The following ESRRB variants were observed in gnomAD, a reference collection of about 807,000 sequenced individuals.
ESRRB encodes the protein estrogen related receptor beta, also known as steroid hormone receptor ERR2.
A neutral mutation model predicts 46.0 loss-of-function variants in ESRRB; 16 were observed. The ratio of observed to expected loss-of-function variants is 0.35; its 90% CI spans 0.24 to 0.53. The LOEUF (loss-of-function observed/expected upper bound fraction) is 0.53, where lower values mean the gene tolerates loss of function less well. Among genes scored for constraint, ESRRB ranks in the 20% least tolerant of loss-of-function variants. ESRRB has a pLI of 0.93. For missense variants in ESRRB, 488 were observed against 607.4 expected (o/e 0.80, Z 2.07); for synonymous variants, 246 against 259.6 (o/e 0.95, Z 0.50).
rs375209881 is a variant in ESRRB, at chr14:76,452,243, G to A, written c.461-10302G>A. Among the ~76,000 whole-genome samples the A allele has an allele frequency of 7.6e-4, 115 of 152,144 alleles. 3 individuals carry two copies. The South Asian group carries it at 0.023, about 31-fold the overall frequency. Reference sequence around the variant, plus strand: ...GTGTGAGCCATTACATCCGGCCACAGGAAGCAATTTTAACAGTGCAGTTAG... The same window carrying A: ...GTGTGAGCCATTACATCCGGCCACAAGAAGCAATTTTAACAGTGCAGTTAG... On this transcript the variant is annotated intron_variant, in intron 2 of 6. Transcript: ENST00000644823.
chr14:76,498,891 GT>G lies in ESRRB; in HGVS notation c.*437del. Reference sequence around the variant, plus strand: ...TGCTCAGGCTGGATACCACCTGGAGGTTTTCCTTCCGCAGAGGGCAGGTACG... The same window carrying G: ...TGCTCAGGCTGGATACCACCTGGAGGTTTCCTTCCGCAGAGGGCAGGTACG... On this transcript the variant is annotated 3_prime_UTR_variant, in exon 7 of 7. Coordinates refer to ENST00000644823, the MANE Select transcript of ESRRB (RefSeq NM_001379180.1). The G allele has an allele frequency of 1.9e-6, 1 of 535,638 alleles. No individual in the cohort carries two copies. Among genetic ancestry groups the G allele is most frequent in the South Asian group, 1.4e-5 (1 of 71,320 alleles). 33.2% of individuals were successfully genotyped at this position (535,638 alleles called of 1,614,324 possible).
chr14:76,490,843 A>G (rs1448960773), intron 5 of ESRRB, among the ~76,000 whole-genome samples: 1 of 152,188 alleles, frequency 6.6e-6, no homozygotes, highest in Non-Finnish European at 1.5e-5. Context: ...CCTGTGAGAA[A>G]GTGCCCCTGA....
intron 1 of ESRRB, among the ~76,000 whole-genome samples, chr14:76,354,722 T>TTC (rs1414951455): frequency 2.2e-5 from 3 of 139,198 alleles, no homozygotes; most frequent in African/African-American, 7.6e-5. Context: ...TTTTTTTTTT[T>TTC]TCTTTGAAAT....
intron 3 of ESRRB, among the ~76,000 whole-genome samples, chr14:76,474,063 C>T (rs1436179031): frequency 6.6e-6 from 1 of 152,186 alleles, no homozygotes; most frequent in Non-Finnish European, 1.5e-5. Flanking sequence ...ACAAAGGCAG[C>T]CATCAGACCC....
At chr14:76,358,029 A>G (rs2139767682) in intron 1 of ESRRB, among the ~76,000 whole-genome samples, 1 of 152,258 alleles carries the variant, frequency 6.6e-6, no homozygotes, top group Non-Finnish European at 1.5e-5. Flanking sequence ...AAAAAATTGC[A>G]GGCTGGGCAC....
intron 2 of ESRRB, among the ~76,000 whole-genome samples, chr14:76,458,561 G>C (rs1888718850): frequency 6.6e-6 from 1 of 152,276 alleles, no homozygotes; most frequent in Non-Finnish European, 1.5e-5. Context: ...TGTCCTGGGA[G>C]AGCACCAGTT....
At chr14:76,433,961 CATT>C (rs1177719938) in intron 1 of ESRRB, among the ~76,000 whole-genome samples, 103 of 123,654 alleles carry the variant, frequency 8.3e-4, no homozygotes, top group African/African-American at 3.2e-3. Context: ...CCTGCCTTTA[CATT>C]TTTTTTTTTT....
intron 1 of ESRRB, among the ~76,000 whole-genome samples, chr14:76,353,897 G>A (rs1884343915): frequency 6.6e-6 from 1 of 152,178 alleles, no homozygotes; most frequent in South Asian, 2.1e-4. Context: ...AGGAAGCTGA[G>A]GCTGCAGTCA....
rs1295638659 is a variant in ESRRB at position 76,498,341 on chromosome 14, A to G, written c.1248A>G (p.Thr416=). 5 of 1,610,456 alleles carry G rather than the reference A, an allele frequency of 3.1e-6. No homozygotes were observed. The Admixed American group carries it at 6.7e-5, about 22-fold the overall frequency. ...GGAGGACGGGCAAGCTGCTGCTGAC[A>G]CTGCCGCTGCTGCGGCAGACGGCCG... ...EPWRTGKLLL[T]LPLLRQTAAK... is the part of the protein sequence containing the mutation. Residue 416 remains threonine (T), a synonymous_variant, in exon 7 of 7, where the codon ACA becomes ACG. Transcript: ENST00000644823.
At chr14:76,489,258 C>T (rs1157414001) in intron 5 of ESRRB, among the ~76,000 whole-genome samples, 2 of 152,054 alleles carry the variant, frequency 1.3e-5, no homozygotes, top group African/African-American at 4.8e-5. Flanking sequence ...CCAACACTCC[C>T]CCCAACACAC....
intron 3 of ESRRB, among the ~76,000 whole-genome samples, chr14:76,480,639 G>A (rs757774533): frequency 7.9e-5 from 12 of 152,146 alleles, no homozygotes; most frequent in Admixed American, 4.6e-4. Flanking sequence ...GCCTGTTCTG[G>A]AGAAAGGCCT....
intron 1 of ESRRB, among the ~76,000 whole-genome samples, chr14:76,338,987 C>G (rs1256108730): frequency 6.6e-6 from 1 of 152,120 alleles, no homozygotes; most frequent in Non-Finnish European, 1.5e-5. Context: ...TCAAAGGGAC[C>G]ATGGATAATA....
intron 3 of ESRRB, among the ~76,000 whole-genome samples, chr14:76,470,626 T>C (rs146545653): frequency 1.3e-5 from 2 of 152,312 alleles, no homozygotes; most frequent in East Asian, 3.9e-4. Flanking sequence ...ACGTTGTTGG[T>C]ATGGAAAAAG....
chr14:76,481,002 A>G (rs1889783686), intron 3 of ESRRB, among the ~76,000 whole-genome samples: 1 of 152,254 alleles, frequency 6.6e-6, no homozygotes, highest in Non-Finnish European at 1.5e-5. Context: ...AAGGACTCCA[A>G]GAAGGAACGT....
chr14:76,493,589 C>T (rs529883222), intron 6 of ESRRB, among the ~76,000 whole-genome samples: 5 of 152,274 alleles, frequency 3.3e-5, no homozygotes, highest in South Asian at 2.1e-4. Context: ...GTGTTATTAG[C>T]ATATGGAAAA....
At chr14:76,407,634 C>T (rs1886247762) in intron 1 of ESRRB, 3 of 971,962 alleles carry the variant, frequency 3.1e-6, no homozygotes, top group Non-Finnish European at 3.7e-6. Flanking sequence ...GGCCACATGG[C>T]CGATTCACAC....
At chr14:76,405,359 G>T (rs113112139) in intron 1 of ESRRB, among the ~76,000 whole-genome samples, 2,588 of 152,136 alleles carry the variant, frequency 0.017, 76 homozygotes, top group African/African-American at 0.06. Flanking sequence ...CAATACGCCT[G>T]CTTCGGCCTC....
At chr14:76,372,396 C>A (rs1325886356), upstream of ESRRB, among the ~76,000 whole-genome samples, 1 of 150,626 alleles carries the variant, frequency 6.6e-6, no homozygotes, top group Non-Finnish European at 1.5e-5. Context: ...AGGAAACCCA[C>A]TGGGGGAAGG....
At chr14:76,465,771 C>G (rs1216999043) in intron 3 of ESRRB, among the ~76,000 whole-genome samples, 1 of 152,206 alleles carries the variant, frequency 6.6e-6, no homozygotes, top group Non-Finnish European at 1.5e-5. Context: ...GCCACTAGAA[C>G]GCTCCCTCCC....
Sources: allele counts gnomAD v4.1 joint callset (sites outside exome capture counted in the v4.1 genomes callset), GRCh38; gene constraint gnomAD v4.1.1; transcripts MANE v1.5; gene names NCBI Gene and HGNC (gene_info 2026-07-23, HGNC 2026-07-21).